The following HELB variants were observed in gnomAD, a reference collection of about 807,000 sequenced individuals.
HELB encodes the protein DNA helicase B.
HELB carries 96 observed loss-of-function variants against 101.7 expected under a neutral mutation model. The ratio of observed to expected loss-of-function variants is 0.94; its 90% confidence interval spans 0.80 to 1.12. HELB has a LOEUF of 1.12. Among genes scored for constraint, HELB ranks in the 50% most tolerant of loss-of-function variants. The pLI, the probability that HELB is intolerant of heterozygous loss-of-function variation, is 0.00. For synonymous variants in HELB, 437 were observed against 459.7 expected (o/e 0.95, Z 0.63); for missense variants, 1,210 against 1,291.9 (o/e 0.94, Z 0.97).
At chr12:66,330,766 G>GT (rs1416136455) in intron 11 of HELB, among the ~76,000 whole-genome samples, 1 of 149,586 alleles carries the variant, frequency 6.7e-6, no homozygotes, top group African/African-American at 2.5e-5. Context: ...ATATCTATAT[G>GT]TTTACCTATT....
intron 9 of HELB, among the ~76,000 whole-genome samples, chr12:66,323,055 G>T (rs1015838700): frequency 6.6e-6 from 1 of 151,946 alleles, no homozygotes; most frequent in African/African-American, 2.4e-5. Context: ...TCCAAGATAA[G>T]CATGGGGAGC....
chr12:66,338,078 G>A lies in HELB; in HGVS notation c.3240G>A (p.Lys1080=). 1 of 1,586,622 alleles carries A rather than the reference G, an allele frequency of 6.3e-7. No individual in the cohort carries two copies. Among genetic ancestry groups the A allele is most frequent in the Admixed American group, 1.7e-5 (1 of 59,814 alleles). ...LNNLIPRQLF[K]PTDNQET is the part of the protein sequence containing the mutation. ...ATTTAATTCCCAGGCAACTTTTCAA[G>A]CCCACCGATAATCAAGAAACTTAGT... The change falls in exon 13 of 13, where the codon AAG becomes AAA. Residue 1080 remains lysine (K), a synonymous_variant. Transcript: ENST00000247815.
intron 6 of HELB, 53 bp downstream of exon 6, chr12:66,315,436 A>G: frequency 8.8e-6 from 12 of 1,364,246 alleles, no homozygotes; most frequent in Non-Finnish European, 6.8e-6. Flanking sequence ...AGAAATTTAA[A>G]AAATGGCCTT....
chr12:66,302,845 C>G (rs1259525442), intron 1 of HELB, 55 bp downstream of exon 1: 1 of 1,481,750 alleles, frequency 6.7e-7, no homozygotes. Context: ...GTAGCGCTTC[C>G]CATTCTGGCT....
chr12:66,329,305 G>T (rs1209431081), intron 11 of HELB, among the ~76,000 whole-genome samples: 2 of 152,180 alleles, frequency 1.3e-5, no homozygotes, highest in Non-Finnish European at 2.9e-5. Flanking sequence ...ACTCAGTGAG[G>T]CACTGGAGAA....
chr12:66,325,138 CTT>C lies in HELB; in HGVS notation c.2670+15_2670+16del. 1.3e-6 allele frequency: 2 copies of C among 1,548,806 alleles called. No homozygotes were observed. Among genetic ancestry groups the C allele is most frequent in the South Asian group, 1.2e-5 (1 of 86,862 alleles). ...TTCACACTTTTCAGGTAAGAGGAGA[CTT>C]TTATCAAACCTTTTAAATAATTTAC... is the stretch of plus-strand genomic sequence containing the variant. On this transcript the variant is annotated intron_variant, in intron 11 of 12. Transcript: ENST00000247815.
At chr12:66,314,224 GTTTACACCATTTAGTTGGT>G in intron 5 of HELB, 61 bp downstream of exon 5, 1 of 1,429,978 alleles carries the variant, frequency 7.0e-7, no homozygotes, top group South Asian at 1.3e-5. Flanking sequence ...TTAGTTGGTT[GTTTACACCATTTAGTTGGT>G]TGTTTACACC....
At chr12:66,338,648 A>AC (rs1565646738), downstream of HELB, 1 of 143,376 alleles carries the variant, frequency 7.0e-6, no homozygotes, top group Non-Finnish European at 1.6e-5. Flanking sequence ...TCTCCAAAAA[A>AC]AAAACAAACA....
chr12:66,308,839 AG>A (rs2053508029), intron 3 of HELB, among the ~76,000 whole-genome samples: 1 of 152,100 alleles, frequency 6.6e-6, no homozygotes, highest in African/African-American at 2.4e-5. Context: ...TCACATTCTG[AG>A]GATATTGGGG....
intron 12 of HELB, 115 bp downstream of exon 12, chr12:66,331,760 C>T: frequency 9.6e-7 from 1 of 1,041,580 alleles, no homozygotes; most frequent in Non-Finnish European, 1.4e-6. Flanking sequence ...GACTTAAAAA[C>T]AATTGTTTTT....
At position 66,310,387 on chromosome 12, in the gene HELB, C is replaced by T. The variant is rs754676652; in HGVS notation, c.1459C>T (p.Arg487Cys). The T allele has an allele frequency of 1.7e-5, 28 of 1,613,864 alleles. No individual in the cohort carries two copies. The highest frequency in any genetic ancestry group is 1.4e-4 in the South Asian group (13 of 91,066). Reference sequence around the variant, plus strand: ...ATGTGGGAAGACCACAATCGTTAGCCGTCTTTTTAAGCATATAGAGCAGTT... The same window carrying T: ...ATGTGGGAAGACCACAATCGTTAGCTGTCTTTTTAAGCATATAGAGCAGTT... ...GGCGKTTIVS[R>C]LFKHIEQLEE... is the part of the protein sequence containing the mutation. The change falls in exon 4 of 13, where the codon CGT becomes TGT. Residue 487 changes from arginine (R) to cysteine (C), a missense_variant. Coordinates refer to ENST00000247815, the MANE Select transcript of HELB (RefSeq NM_001370285.1).
In HELB at chr12:66,338,181, T is replaced by TA; in HGVS notation, c.*86dup. 2 of 847,460 alleles carry TA rather than the reference T, an allele frequency of 2.4e-6. No homozygotes were observed. The highest frequency in any genetic ancestry group is 2.0e-6 in the Non-Finnish European group (1 of 512,360). 52.5% of individuals were successfully genotyped at this position (847,460 alleles called of 1,614,324 possible). A position where few individuals can be genotyped will look rare whatever the true frequency, so the allele number is the denominator to read the frequency against. On this transcript the variant is annotated 3_prime_UTR_variant, in exon 13 of 13. Transcript: ENST00000247815. Reference sequence around the variant, plus strand: ...ACATCGTAACGTCAAAGTACCAAGATAAAAAAAGTTTCCTATAACTGGAGT... The same window carrying TA: ...ACATCGTAACGTCAAAGTACCAAGATAAAAAAAAGTTTCCTATAACTGGAGT...
At position 66,304,448 on chromosome 12, in the gene HELB, C is replaced by G. The variant is rs183981595; in HGVS notation, c.188-283C>G. Among the ~76,000 whole-genome samples, 106 of 152,212 alleles carry G rather than the reference C, an allele frequency of 7.0e-4. 1 individual carries two copies. The highest frequency in any genetic ancestry group is 1.1e-3 in the Non-Finnish European group (74 of 68,022). On this transcript the variant is annotated intron_variant, in intron 1 of 12. Transcript: ENST00000247815. Reference sequence around the variant, plus strand: ...GAAGTCAAGAGTAGCAGAGAGGGGACTGATTTTAGAAGAGGAACAGCAGAC... The same window carrying G: ...GAAGTCAAGAGTAGCAGAGAGGGGAGTGATTTTAGAAGAGGAACAGCAGAC...
chr12:66,343,227 C>A (rs1010114597), intron 13 of HELB: 3 of 152,154 alleles, frequency 2.0e-5, no homozygotes, highest in African/African-American at 7.2e-5. Flanking sequence ...GATTTGGGAA[C>A]TATTGCCATT....
chr12:66,306,705 T>C (rs2053480727), intron 3 of HELB, among the ~76,000 whole-genome samples, 191 bp downstream of exon 3: 1 of 152,148 alleles, frequency 6.6e-6, no homozygotes, highest in Non-Finnish European at 1.5e-5. Context: ...ATAAGAACAT[T>C]TTATAAGTTG....
intron 12 of HELB, among the ~76,000 whole-genome samples, chr12:66,336,241 G>A (rs779892469): frequency 7.2e-5 from 11 of 152,050 alleles, no homozygotes; most frequent in Non-Finnish European, 1.2e-4. Flanking sequence ...TTTTGGAATT[G>A]CTTTTGAGGC....
At chr12:66,321,741 T>C (rs1342058565) in intron 7 of HELB, 1 of 459,460 alleles carries the variant, frequency 2.2e-6, no homozygotes. Context: ...TGAGGGTGGG[T>C]TGTCTTGGAA....
chr12:66,309,953 G>T lies in HELB; in HGVS notation c.1025G>T (p.Gly342Val). ...SESLKFLKDI[G>V]VVTYEKSCVF... ...TCTCTGAAGTTTTTGAAGGATATTG[G>T]TGTGGTGACATATGAGAAGTCCTGT... Residue 342 changes from glycine to valine, a missense_variant, in exon 4 of 13, where the codon GGT (glycine) becomes GTT (valine). By Grantham distance (109) the Gly-to-Val change is moderately radical. Around this residue, in one of 2 missense-constraint regions of HELB, gnomAD observed 470 missense variants for 563.1 expected, o/e 0.83. Transcript: ENST00000247815. 4 of 1,614,176 alleles carry T rather than the reference G, an allele frequency of 2.5e-6. No homozygotes were observed. The highest frequency in any genetic ancestry group is 3.4e-6 in the Non-Finnish European group (4 of 1,180,020).
intron 8 of HELB, among the ~76,000 whole-genome samples, chr12:66,322,262 T>G (rs1215317611): frequency 6.6e-6 from 1 of 152,060 alleles, no homozygotes; most frequent in Non-Finnish European, 1.5e-5. Context: ...CAAAAGCTTA[T>G]GCTAAGATAA....
Sources: allele counts gnomAD v4.1 joint callset (sites outside exome capture counted in the v4.1 genomes callset), GRCh38; gene constraint gnomAD v4.1.1; regional missense constraint gnomAD v4.1.1; transcripts MANE v1.5; gene names NCBI Gene and HGNC (gene_info 2026-07-23, HGNC 2026-07-21).